AGBL4: variants seen among roughly 807,000 people sequenced by gnomAD.
The protein encoded by AGBL4 is AGBL carboxypeptidase 4, also known as cytosolic carboxypeptidase 6.
A neutral mutation model predicts 66.4 loss-of-function variants in AGBL4; 58 were observed. The ratio of observed to expected loss-of-function variants is 0.87; its 90% CI spans 0.71 to 1.09. The LOEUF (loss-of-function observed/expected upper bound fraction) is 1.09, where lower values mean the gene tolerates loss of function less well. AGBL4 is among the 50% of genes least tolerant of loss of function. The probability of loss-of-function intolerance (pLI) is 0.00; values close to 1 mark genes in which losing one functional copy is unlikely to be tolerated. For missense variants in AGBL4, 579 were observed against 631.0 expected, an observed-to-expected ratio of 0.92 and a Z score of 0.88; for synonymous variants, 234 against 222.9, an observed-to-expected ratio of 1.05 and a Z score of -0.44.
chr1:49,951,482 GT>G (rs1194755239), intron 1 of AGBL4, among the ~76,000 whole-genome samples: 1 of 151,944 alleles, frequency 6.6e-6, no homozygotes, highest in Non-Finnish European at 1.5e-5. Flanking sequence ...AAGGACATCT[GT>G]CCAGCAACTG....
intron 3 of AGBL4, among the ~76,000 whole-genome samples, chr1:49,502,664 T>C (rs1648275389): frequency 6.6e-6 from 1 of 152,092 alleles, no homozygotes; most frequent in Non-Finnish European, 1.5e-5. Flanking sequence ...TCCAGACTGA[T>C]GTGGATTCAG....
chr1:48,663,866 G>A (rs1344075542), intron 6 of AGBL4, among the ~76,000 whole-genome samples: 2 of 152,154 alleles, frequency 1.3e-5, no homozygotes, highest in African/African-American at 2.4e-5. Flanking sequence ...GCTCATGGAG[G>A]TTATATAACT....
intron 2 of AGBL4, among the ~76,000 whole-genome samples, chr1:49,733,569 T>C (rs149152967): frequency 1.3e-5 from 2 of 152,236 alleles, no homozygotes; most frequent in African/African-American, 2.4e-5. Context: ...ATCCAGTGTA[T>C]GGTGAGAGCC....
chr1:49,183,937 T>C (rs1646971923), intron 4 of AGBL4, among the ~76,000 whole-genome samples: 2 of 152,142 alleles, frequency 1.3e-5, no homozygotes, highest in African/African-American at 4.8e-5. Context: ...AACATTAAAA[T>C]ATAGACTATC....
chr1:48,898,211 C>T (rs751222934), intron 5 of AGBL4, among the ~76,000 whole-genome samples: 2 of 152,100 alleles, frequency 1.3e-5, no homozygotes, highest in Admixed American at 1.3e-4. Flanking sequence ...AATCCCTTGT[C>T]GGATGGATAG....
chr1:48,867,248 C>A lies in AGBL4; in HGVS notation c.595-18G>T. The A allele has an allele frequency of 6.2e-7, 1 of 1,613,024 alleles. No homozygotes were observed. The highest frequency in any genetic ancestry group is 1.3e-5 in the African/African-American group (1 of 75,030). ...CGTTGTTGCTGCAAAAGAAAACACA[C>A]TGTGAGGGCACTGATTTGAGCCAGA... On this transcript the variant is annotated intron_variant, in intron 5 of 13. Transcript: ENST00000371839.
intron 3 of AGBL4, among the ~76,000 whole-genome samples, chr1:49,422,905 C>T (rs901244210): frequency 1.3e-5 from 2 of 152,160 alleles, no homozygotes; most frequent in South Asian, 4.1e-4. Context: ...GCTCTCTAAA[C>T]TCAAATTCCT....
chr1:49,515,101 A>G (rs1649662793), intron 3 of AGBL4, among the ~76,000 whole-genome samples: 1 of 152,150 alleles, frequency 6.6e-6, no homozygotes, highest in South Asian at 2.1e-4. Flanking sequence ...TGAACAGGCA[A>G]CCTACAGAAT....
intron 3 of AGBL4, among the ~76,000 whole-genome samples, chr1:49,376,786 T>A (rs1644481075): frequency 1.3e-5 from 2 of 152,182 alleles, no homozygotes; most frequent in South Asian, 2.1e-4. Flanking sequence ...TTGTCCCAGA[T>A]CCCTACTTGT....
At chr1:49,685,336 C>A (rs945925491) in intron 3 of AGBL4, among the ~76,000 whole-genome samples, 1 of 152,070 alleles carries the variant, frequency 6.6e-6, no homozygotes, top group African/African-American at 2.4e-5. Context: ...ATGTCTTTGC[C>A]ATTGTGAACA....
intron 4 of AGBL4, among the ~76,000 whole-genome samples, chr1:49,200,252 C>T (rs181165359): frequency 2.0e-5 from 3 of 152,248 alleles, no homozygotes; most frequent in Admixed American, 2.0e-4. Flanking sequence ...TCTTCCTACC[C>T]CAAGCTCATT....
At chr1:48,846,422 A>AAATT (rs1291901859) in intron 6 of AGBL4, among the ~76,000 whole-genome samples, 1 of 134,940 alleles carries the variant, frequency 7.4e-6, no homozygotes, top group African/African-American at 2.7e-5. Context: ...AGAAAGAAAG[A>AAATT]AATTCATTTA....
intron 1 of AGBL4, among the ~76,000 whole-genome samples, chr1:49,975,892 T>C (rs1658515130): frequency 6.6e-6 from 1 of 152,186 alleles, no homozygotes; most frequent in Non-Finnish European, 1.5e-5. Context: ...CTGCAAGTAC[T>C]AAAGCAAAAA....
At chr1:48,798,250 TG>T (rs1185303079) in intron 6 of AGBL4, among the ~76,000 whole-genome samples, 1 of 152,236 alleles carries the variant, frequency 6.6e-6, no homozygotes, top group African/African-American at 2.4e-5. Context: ...CATTTTTTCA[TG>T]TTTGTTGGCC....
chr1:49,891,619 G>A (rs368812791), intron 1 of AGBL4, among the ~76,000 whole-genome samples: 18 of 152,182 alleles, frequency 1.2e-4, no homozygotes, highest in Non-Finnish European at 1.3e-4. Flanking sequence ...TATAAACCCC[G>A]AAAGGTGAGT....
intron 4 of AGBL4, among the ~76,000 whole-genome samples, chr1:49,093,609 T>C (rs190196753): frequency 3.3e-5 from 5 of 152,284 alleles, no homozygotes; most frequent in Non-Finnish European, 7.4e-5. Context: ...TGTGATTCTG[T>C]GACTAGATGA....
At chr1:49,945,458 G>A (rs976224119) in intron 1 of AGBL4, among the ~76,000 whole-genome samples, 2 of 151,918 alleles carry the variant, frequency 1.3e-5, no homozygotes, top group Admixed American at 1.3e-4. Flanking sequence ...TTTGTATCCA[G>A]AAAAACTAAG....
chr1:49,759,247 T>C (rs1215622232), intron 2 of AGBL4, among the ~76,000 whole-genome samples: 2 of 152,132 alleles, frequency 1.3e-5, no homozygotes, highest in African/African-American at 2.4e-5. Flanking sequence ...TGATATGTGA[T>C]AAAAAATGGC....
intron 4 of AGBL4, among the ~76,000 whole-genome samples, chr1:49,236,392 A>C (rs1305410660): frequency 2.0e-5 from 3 of 152,078 alleles, no homozygotes; most frequent in Non-Finnish European, 4.4e-5. Context: ...GCTCCTCTCC[A>C]TGTGTCTTCT....
Sources: allele counts gnomAD v4.1 joint callset (sites outside exome capture counted in the v4.1 genomes callset), GRCh38; gene constraint gnomAD v4.1.1; transcripts MANE v1.5; gene names NCBI Gene and HGNC (gene_info 2026-07-23, HGNC 2026-07-21).